Variants in ATG16L1 observed in about 807,000 individuals in gnomAD.
The protein encoded by ATG16L1 is autophagy-related protein 16-1.
A neutral mutation model predicts 88.5 loss-of-function variants in ATG16L1; 37 were observed. The observed-to-expected ratio is 0.42, with a 90% CI of 0.32 to 0.55. ATG16L1 has a LOEUF of 0.55. ATG16L1 is among the 20% of genes least tolerant of loss of function. The pLI is 0.13. For missense variants in ATG16L1, 554 were observed against 752.8 expected, an observed-to-expected ratio of 0.74 and a Z score of 3.09; for synonymous variants, 301 against 281.0, an observed-to-expected ratio of 1.07 and a Z score of -0.71.
rs563754253 is a variant in ATG16L1 at position 233,275,520 on chromosome 2, G to T, written c.954+742G>T. 1.9e-3 allele frequency: 673 copies of T among 349,432 alleles called. 17 individuals are homozygous for T. The highest frequency in any genetic ancestry group is 0.014 in the South Asian group (652 of 45,504). 21.6% of individuals were successfully genotyped at this position (349,432 alleles called of 1,614,324 possible). On this transcript the variant is annotated intron_variant, in intron 9 of 17. Transcript: ENST00000392017. ...CAGGGAAGATTTTGCCGTAAAAATG[G>T]GATGGAATTTATATGGTGGGAGCTT...
intron 9 of ATG16L1, chr2:233,275,937 C>G (rs752212276): frequency 1.9e-6 from 1 of 519,180 alleles, no homozygotes; most frequent in African/African-American, 1.9e-5. Context: ...ACCAGTTACA[C>G]AGGAGACTGA....
At chr2:233,273,887 T>C (rs1048030441) in intron 8 of ATG16L1, 110 bp downstream of exon 8, 43 of 1,506,802 alleles carry the variant, frequency 2.9e-5, no homozygotes, top group Non-Finnish European at 1.8e-6. Context: ...ATGCAGAGTA[T>C]ACATATGCCT....
chr2:233,264,893 A>G lies in ATG16L1; in HGVS notation c.391A>G (p.Ile131Val), dbSNP rs1037064609. 1.2e-6 allele frequency: 2 copies of G among 1,613,732 alleles called. No individual in the cohort carries two copies. Among genetic ancestry groups the G allele is most frequent in the African/African-American group, 1.3e-5 (1 of 74,924 alleles). Residue 131 changes from isoleucine (I) to valine (V), a missense_variant and splice_region_variant, in exon 5 of 18, where the codon ATT becomes GTT. This residue lies in a region of ATG16L1 where 50 missense variants were observed against 49.4 expected (regional missense o/e 1.01). Transcript: ENST00000392017. ...CGTCCTCTGATGTCATGCTTCCAGA[A>G]TTGCAGAATGTTTGCAGACTATCTC... ...DREMQMNEAK[I>V]AECLQTISDL... is the part of the protein sequence containing the mutation.
chr2:233,252,376 T>C (rs974838532), intron 1 of ATG16L1, among the ~76,000 whole-genome samples: 60 of 152,002 alleles, frequency 3.9e-4, no homozygotes, highest in African/African-American at 1.4e-3. Context: ...CTTGGTGGTT[T>C]TTTTTGCGGG....
intron 1 of ATG16L1, among the ~76,000 whole-genome samples, chr2:233,252,492 C>A (rs1372095306): frequency 2.6e-5 from 4 of 152,076 alleles, no homozygotes; most frequent in Non-Finnish European, 5.9e-5. Flanking sequence ...AAGTGATCCT[C>A]CCACCTAAGC....
intron 16 of ATG16L1, among the ~76,000 whole-genome samples, chr2:233,292,738 T>C (rs1699547781): frequency 6.6e-6 from 1 of 152,232 alleles, no homozygotes; most frequent in South Asian, 2.1e-4. Flanking sequence ...GGAGAGCCTT[T>C]AGAAAAGGGC....
At chr2:233,263,288 G>T (rs1467441050) in intron 3 of ATG16L1, 53 bp downstream of exon 3, 4 of 1,496,508 alleles carry the variant, frequency 2.7e-6, no homozygotes, top group Non-Finnish European at 2.8e-6. Context: ...AGAGTCCTGT[G>T]GGGAGCGGGG....
intron 12 of ATG16L1, among the ~76,000 whole-genome samples, chr2:233,288,081 C>T (rs140854237): frequency 6.6e-5 from 10 of 152,112 alleles, no homozygotes; most frequent in African/African-American, 9.6e-5. Flanking sequence ...AGCCGGCACC[C>T]GACTGGCAGC....
intron 1 of ATG16L1, among the ~76,000 whole-genome samples, chr2:233,253,249 A>G (rs927086208): frequency 3.4e-5 from 5 of 147,372 alleles, no homozygotes; most frequent in African/African-American, 5.0e-5. Flanking sequence ...AGGAACTGTT[A>G]TTGCCATTTT....
chr2:233,265,588 G>C (rs1238632827), intron 5 of ATG16L1, among the ~76,000 whole-genome samples: 2 of 152,124 alleles, frequency 1.3e-5, no homozygotes, highest in Non-Finnish European at 1.5e-5. Flanking sequence ...TCCTGCCTCA[G>C]CCTCCTAAGT....
intron 3 of ATG16L1, among the ~76,000 whole-genome samples, chr2:233,263,602 A>G (rs1289114904): frequency 6.6e-6 from 1 of 152,226 alleles, no homozygotes; most frequent in Non-Finnish European, 1.5e-5. Context: ...GACATTCGTG[A>G]GAAAGAATCA....
intron 1 of ATG16L1, among the ~76,000 whole-genome samples, chr2:233,252,684 G>A (rs1574833279): frequency 6.6e-6 from 1 of 151,752 alleles, no homozygotes; most frequent in Non-Finnish European, 1.5e-5. Context: ...CACCGAGCCC[G>A]GCCCCACCTT....
At chr2:233,293,707 T>A (rs1165051295) in intron 17 of ATG16L1, among the ~76,000 whole-genome samples, 1 of 152,198 alleles carries the variant, frequency 6.6e-6, no homozygotes, top group African/African-American at 2.4e-5. Flanking sequence ...GTCCCTGTTG[T>A]CAGTGCATTT....
At chr2:233,273,545 CT>C in intron 7 of ATG16L1, 175 bp from the exon 8 acceptor site, 1 of 588,258 alleles carries the variant, frequency 1.7e-6, no homozygotes, top group Non-Finnish European at 3.0e-6. Context: ...TGGGTTTTCC[CT>C]TTCCCTTCCC....
At chr2:233,288,820 G>A (rs1312747282) in intron 12 of ATG16L1, 3 of 519,234 alleles carry the variant, frequency 5.8e-6, no homozygotes, top group Non-Finnish European at 1.2e-5. Context: ...CCCTCATTCT[G>A]TGTTCCTCCG....
In ATG16L1 at chr2:233,265,020, T is replaced by C; in HGVS notation, c.518T>C (p.Phe173Ser). ...KDEYDALQIT[F>S]TALEGKLRKT... ...GAATATGATGCCCTGCAGATCACTT[T>C]TACTGCCTTGGAGGGAAAACTGAGG... is the stretch of plus-strand genomic sequence containing the variant. Residue 173 changes from phenylalanine (F) to serine (S), a missense_variant, in exon 5 of 18, where the codon TTT becomes TCT. Physicochemically the swap from Phe to Ser is radical, Grantham distance 155. This residue lies in a region of ATG16L1 where 22 missense variants were observed against 54.5 expected (regional missense o/e 0.40). Coordinates refer to ENST00000392017, the MANE Select transcript of ATG16L1 (RefSeq NM_030803.7). 2.5e-6 allele frequency: 4 copies of C among 1,614,188 alleles called. No individual in the cohort carries two copies. Among genetic ancestry groups the C allele is most frequent in the Non-Finnish European group, 3.4e-6 (4 of 1,180,038 alleles).
intron 9 of ATG16L1, 141 bp downstream of exon 9, chr2:233,274,919 C>T: frequency 1.7e-6 from 1 of 574,118 alleles, no homozygotes; most frequent in Admixed American, 3.3e-5. Context: ...GCTCTGTCAG[C>T]TGTGAGAAAT....
At chr2:233,277,727 C>T in intron 10 of ATG16L1, 54 bp downstream of exon 10, 2 of 1,492,626 alleles carry the variant, frequency 1.3e-6, no homozygotes, top group Non-Finnish European at 1.9e-6. Flanking sequence ...TGCACCCTTG[C>T]ACTGCAGAAA....
chr2:233,289,975 G>A lies in ATG16L1; in HGVS notation c.1324+1G>A, dbSNP rs756430477. 6.2e-7 allele frequency: 1 copy of A among 1,613,602 alleles called. No individual in the cohort carries two copies. The highest frequency in any genetic ancestry group is 1.3e-5 in the African/African-American group (1 of 75,046). On this transcript the variant is annotated splice_donor_variant, in intron 13 of 17. Coordinates refer to ENST00000392017, the MANE Select transcript of ATG16L1 (RefSeq NM_030803.7). LOFTEE classifies it high-confidence loss of function. ...CTCTGGGATCTACGCAGCAAAGTCT[G>A]TGAGGAAATTCAGTCTCTCTGTCTG...
Sources: gnomAD v4.1 joint callset for allele counts (sites outside exome capture counted in the v4.1 genomes callset) on GRCh38, gnomAD v4.1.1 for gene constraint, gnomAD v4.1.1 regional missense constraint, MANE v1.5 for transcripts, NCBI Gene and HGNC (gene_info 2026-07-23, HGNC 2026-07-21) for gene names.